ABLIM1: variants seen among roughly 807,000 people sequenced by gnomAD.
ABLIM1 encodes actin binding LIM protein 1, also known as actin-binding LIM protein 1.
ABLIM1 carries 40 observed loss-of-function variants against 107.0 expected under a neutral mutation model. The observed-to-expected ratio is 0.37, with a 90% CI of 0.29 to 0.49. The LOEUF (loss-of-function observed/expected upper bound fraction) is 0.49, where lower values mean the gene tolerates loss of function less well. ABLIM1 is among the 20% of genes least tolerant of loss of function. ABLIM1 has a pLI of 0.97. For synonymous variants in ABLIM1, 357 were observed against 357.3 expected, an observed-to-expected ratio of 1.00 and a Z score of 0.01; for missense variants, 857 against 1,008.5, an observed-to-expected ratio of 0.85 and a Z score of 2.04.
chr10:114,634,129 C>CCTTTTT (rs1555212577), intron 1 of ABLIM1, among the ~76,000 whole-genome samples: 1 of 68,298 alleles, frequency 1.5e-5, no homozygotes, highest in African/African-American at 6.4e-5. Context: ...CTCAATTTTT[C>CCTTTTT]TTTTTTTTTT....
chr10:114,525,563 T>C (rs989138235), intron 6 of ABLIM1, among the ~76,000 whole-genome samples: 6 of 152,244 alleles, frequency 3.9e-5, no homozygotes, highest in African/African-American at 1.4e-4. Context: ...CCGTGGCAAA[T>C]TCACCTATTC....
At chr10:114,500,699 A>G (rs1184654150) in intron 6 of ABLIM1, among the ~76,000 whole-genome samples, 2 of 146,200 alleles carry the variant, frequency 1.4e-5, no homozygotes, top group Admixed American at 1.4e-4. Flanking sequence ...AAAAAAAAAA[A>G]AAGAAAGAGA....
intron 1 of ABLIM1, 64 bp from the exon 2 acceptor site, chr10:114,602,025 G>T: frequency 6.3e-7 from 1 of 1,597,270 alleles, no homozygotes; most frequent in Non-Finnish European, 8.6e-7. Context: ...GGGTCATCAT[G>T]GTATCTCTGT....
At chr10:114,525,301 T>C (rs1431404290) in intron 6 of ABLIM1, among the ~76,000 whole-genome samples, 1 of 152,236 alleles carries the variant, frequency 6.6e-6, no homozygotes, top group Non-Finnish European at 1.5e-5. Context: ...GTAGTTCACT[T>C]TCTGTCCTTT....
the ABLIM1 span, among the ~76,000 whole-genome samples, chr10:114,801,354 T>A: frequency 6.6e-6 from 1 of 152,196 alleles, no homozygotes; most frequent in Non-Finnish European, 1.5e-5. Context: ...CATCTTTACA[T>A]TGAGTACGCG....
At chr10:114,704,294 C>CTATATATA (rs2081366461) in intron 1 of ABLIM1, among the ~76,000 whole-genome samples, 1 of 28,462 alleles carries the variant, frequency 3.5e-5, no homozygotes, top group Non-Finnish European at 8.0e-5. Flanking sequence ...CTCTCTCTCT[C>CTATATATA]TCTCTCTCTA....
intron 1 of ABLIM1, among the ~76,000 whole-genome samples, chr10:114,678,931 A>G (rs576271128): frequency 6.6e-6 from 1 of 152,294 alleles, no homozygotes; most frequent in Admixed American, 6.5e-5. Context: ...CATAGAAGCT[A>G]TGGTGGATTA....
At chr10:114,557,105 G>A (rs759024340) in intron 4 of ABLIM1, among the ~76,000 whole-genome samples, 1 of 152,160 alleles carries the variant, frequency 6.6e-6, no homozygotes, top group Non-Finnish European at 1.5e-5. Flanking sequence ...GGGGAAAAGG[G>A]GGTCTCAATA....
At chr10:114,581,851 C>T (rs967758092) in intron 2 of ABLIM1, among the ~76,000 whole-genome samples, 5 of 152,010 alleles carry the variant, frequency 3.3e-5, no homozygotes, top group African/African-American at 1.2e-4. Context: ...TACCCTTAGG[C>T]CAAAATCCTG....
chr10:114,502,736 A>G (rs778600785), intron 6 of ABLIM1, among the ~76,000 whole-genome samples: 9 of 152,174 alleles, frequency 5.9e-5, no homozygotes, highest in Non-Finnish European at 1.2e-4. Flanking sequence ...GCCTCAAGTG[A>G]TCCACCCACC....
intron 1 of ABLIM1, among the ~76,000 whole-genome samples, chr10:114,698,116 A>T (rs1031502462): frequency 7.2e-5 from 11 of 152,160 alleles, no homozygotes; most frequent in African/African-American, 2.7e-4. Context: ...ACAAAATTGG[A>T]CCAAGATGAA....
chr10:114,578,650 C>T (rs1271729564), intron 2 of ABLIM1, among the ~76,000 whole-genome samples: 1 of 152,060 alleles, frequency 6.6e-6, no homozygotes, highest in Non-Finnish European at 1.5e-5. Context: ...AGGTGATCTG[C>T]CCAACTCGGC....
the ABLIM1 span, among the ~76,000 whole-genome samples, chr10:114,777,034 GC>G: frequency 6.6e-6 from 1 of 151,798 alleles, no homozygotes; most frequent in African/African-American, 2.4e-5. Flanking sequence ...TATTTTTTCT[GC>G]CCCGTTCTCT....
chr10:114,649,338 G>T (rs1315488629), intron 1 of ABLIM1, among the ~76,000 whole-genome samples: 1 of 151,614 alleles, frequency 6.6e-6, no homozygotes, highest in Non-Finnish European at 1.5e-5. Flanking sequence ...GGAGGCAGAG[G>T]CTGCAGTGAG....
chr10:114,496,544 T>G (rs2059694865), intron 6 of ABLIM1, among the ~76,000 whole-genome samples: 1 of 152,146 alleles, frequency 6.6e-6, no homozygotes, highest in African/African-American at 2.4e-5. Context: ...AGCTAAGGCA[T>G]GCTGGGCTTA....
intron 12 of ABLIM1, among the ~76,000 whole-genome samples, chr10:114,458,136 C>CAT (rs35858255): frequency 0.011 from 1,709 of 150,428 alleles, 26 homozygotes; most frequent in African/African-American, 0.034. Context: ...TACAATAGTA[C>CAT]ATATATATAT....
chr10:114,630,728 A>C (rs528893229), intron 1 of ABLIM1, among the ~76,000 whole-genome samples: 1 of 152,326 alleles, frequency 6.6e-6, no homozygotes, highest in South Asian at 2.1e-4. Context: ...AAGTCATTGA[A>C]ATGGTTCAAG....
At chr10:114,487,252 T>C (rs1481910763) in intron 8 of ABLIM1, among the ~76,000 whole-genome samples, 1 of 152,240 alleles carries the variant, frequency 6.6e-6, no homozygotes, top group East Asian at 1.9e-4. Context: ...AGTTTTTCCA[T>C]GGGTACCACT....
intron 10 of ABLIM1, among the ~76,000 whole-genome samples, chr10:114,469,512 C>T (rs992375137): frequency 3.3e-5 from 5 of 152,220 alleles, no homozygotes; most frequent in Non-Finnish European, 4.4e-5. Context: ...TCCCTGTCAG[C>T]GCTGATGTCT....
Sources: gnomAD v4.1 joint callset for allele counts (sites outside exome capture counted in the v4.1 genomes callset) on GRCh38, gnomAD v4.1.1 for gene constraint, MANE v1.5 for transcripts, NCBI Gene and HGNC (gene_info 2026-07-23, HGNC 2026-07-21) for gene names.